Variants in BRINP1 observed in about 807,000 individuals in gnomAD.
BRINP1 encodes BMP/retinoic acid inducible neural specific 1.
A neutral mutation model predicts 72.9 loss-of-function variants in BRINP1; 17 were observed. The observed-to-expected ratio is 0.23, with a 90% CI of 0.16 to 0.35. The LOEUF (loss-of-function observed/expected upper bound fraction) is 0.35. Among genes scored for constraint, BRINP1 ranks in the 10% least tolerant of loss-of-function variants. BRINP1 has a pLI of 1.00. For missense variants in BRINP1, 850 were observed against 1,001.6 expected (o/e 0.85, Z 2.04); for synonymous variants, 418 against 378.5 (o/e 1.10, Z -1.21).
chr9:119,329,306 G>T (rs1251219686), intron 1 of BRINP1, among the ~76,000 whole-genome samples: 1 of 152,206 alleles, frequency 6.6e-6, no homozygotes, highest in African/African-American at 2.4e-5. Flanking sequence ...CAGGTGAAAA[G>T]TTCTTGGTGG....
At chr9:119,337,086 C>T (rs1831354073) in intron 1 of BRINP1, among the ~76,000 whole-genome samples, 1 of 152,126 alleles carries the variant, frequency 6.6e-6, no homozygotes, top group Admixed American at 6.5e-5. Flanking sequence ...TAATTCAGCT[C>T]CTGAACTCAA....
intron 7 of BRINP1, among the ~76,000 whole-genome samples, chr9:119,170,898 G>C (rs1829400078): frequency 6.9e-6 from 1 of 144,930 alleles, no homozygotes; most frequent in South Asian, 2.2e-4. Flanking sequence ...ATAAGTGAAG[G>C]AGAAATAAAA....
chr9:119,303,455 C>T (rs1032950766), intron 2 of BRINP1, among the ~76,000 whole-genome samples: 8 of 152,062 alleles, frequency 5.3e-5, no homozygotes, highest in Admixed American at 1.3e-4. Context: ...AACTAGAAGA[C>T]GAGATGTCAC....
intron 1 of BRINP1, among the ~76,000 whole-genome samples, chr9:119,322,141 A>G (rs1831195918): frequency 6.6e-6 from 1 of 152,222 alleles, no homozygotes; most frequent in Non-Finnish European, 1.5e-5. Context: ...ACAGTCTTGA[A>G]TATCTACTAC....
At chr9:119,322,272 G>A (rs757003250) in intron 1 of BRINP1, among the ~76,000 whole-genome samples, 7 of 152,122 alleles carry the variant, frequency 4.6e-5, no homozygotes, top group Non-Finnish European at 8.8e-5. Flanking sequence ...GACCTCCTGC[G>A]ACCTTCAGTG....
At chr9:119,325,726 T>A (rs1004030634) in intron 1 of BRINP1, among the ~76,000 whole-genome samples, 3 of 152,188 alleles carry the variant, frequency 2.0e-5, no homozygotes, top group Non-Finnish European at 4.4e-5. Flanking sequence ...AAAATACAGA[T>A]GCAACCATGA....
At chr9:119,232,742 A>G (rs1244113461) in intron 5 of BRINP1, among the ~76,000 whole-genome samples, 2 of 152,054 alleles carry the variant, frequency 1.3e-5, no homozygotes, top group African/African-American at 4.8e-5. Context: ...ATTTCAGCAA[A>G]ATATTCTCTC....
chr9:119,266,849 A>T (rs915465597), intron 2 of BRINP1, among the ~76,000 whole-genome samples: 1 of 152,228 alleles, frequency 6.6e-6, no homozygotes, highest in African/African-American at 2.4e-5. Context: ...TTTAAGGCTG[A>T]ATAGGAGGAC....
chr9:119,354,795 G>A (rs949617665), intron 1 of BRINP1, among the ~76,000 whole-genome samples: 2 of 152,164 alleles, frequency 1.3e-5, no homozygotes, highest in Admixed American at 1.3e-4. Context: ...CTTGAGCCCA[G>A]GAATCCAAGG....
intron 3 of BRINP1, among the ~76,000 whole-genome samples, chr9:119,243,204 G>A (rs563661328): frequency 6.6e-6 from 1 of 151,974 alleles, no homozygotes; most frequent in East Asian, 1.9e-4. Flanking sequence ...TTTTCCTAAC[G>A]CTCCCCCACC....
chr9:119,320,945 T>TG (rs991642962), intron 1 of BRINP1, among the ~76,000 whole-genome samples: 2 of 152,106 alleles, frequency 1.3e-5, no homozygotes, highest in African/African-American at 4.8e-5. Context: ...TTGTTTTTTT[T>TG]TTTGAGACGG....
At chr9:119,363,263 T>A (rs75112264) in intron 1 of BRINP1, among the ~76,000 whole-genome samples, 16,254 of 152,140 alleles carry the variant, frequency 0.11, 1,156 homozygotes, top group Middle Eastern at 0.15. Flanking sequence ...GCTGTTTTTT[T>A]AAAGATGATT....
intron 2 of BRINP1, among the ~76,000 whole-genome samples, chr9:119,290,699 G>A (rs536663791): frequency 2.0e-5 from 3 of 152,068 alleles, no homozygotes; most frequent in Non-Finnish European, 4.4e-5. Context: ...GGAGGGAAGG[G>A]CAGCAGCATT....
chr9:119,294,879 A>G (rs1474293749), intron 2 of BRINP1, among the ~76,000 whole-genome samples: 1 of 146,108 alleles, frequency 6.8e-6, no homozygotes, highest in African/African-American at 2.5e-5. Context: ...AAAGACACAC[A>G]TAAATGGAAA....
chr9:119,335,032 A>G (rs961781953), intron 1 of BRINP1, among the ~76,000 whole-genome samples: 5 of 152,134 alleles, frequency 3.3e-5, no homozygotes, highest in Admixed American at 3.3e-4. Flanking sequence ...GTGGCCATGC[A>G]CTGCTGGAGA....
intron 2 of BRINP1, among the ~76,000 whole-genome samples, chr9:119,284,570 C>A (rs1830741746): frequency 6.6e-6 from 1 of 152,176 alleles, no homozygotes; most frequent in African/African-American, 2.4e-5. Context: ...CAAAGCAACT[C>A]TTTCCCTCCC....
intron 7 of BRINP1, among the ~76,000 whole-genome samples, chr9:119,199,896 C>A (rs1029830588): frequency 6.6e-6 from 1 of 151,232 alleles, no homozygotes; most frequent in Non-Finnish European, 1.5e-5. Flanking sequence ...TGAAGACAAT[C>A]GCCATTTGCA....
chr9:119,284,088 C>T (rs1830737510), intron 2 of BRINP1, among the ~76,000 whole-genome samples: 1 of 152,126 alleles, frequency 6.6e-6, no homozygotes, highest in African/African-American at 2.4e-5. Flanking sequence ...TTTGAAGGGG[C>T]CTGCCACCAG....
At chr9:119,185,846 C>T (rs572294480) in intron 7 of BRINP1, among the ~76,000 whole-genome samples, 1 of 152,330 alleles carries the variant, frequency 6.6e-6, no homozygotes, top group East Asian at 1.9e-4. Context: ...ACTCCCGACC[C>T]TTTTATTCAA....
Sources: gnomAD v4.1 joint callset for allele counts (sites outside exome capture counted in the v4.1 genomes callset) on GRCh38, gnomAD v4.1.1 for gene constraint, MANE v1.5 for transcripts, NCBI Gene and HGNC (gene_info 2026-07-23, HGNC 2026-07-21) for gene names.